TNRC18: variants seen among roughly 807,000 people sequenced by gnomAD.
TNRC18 encodes trinucleotide repeat containing 18.
A neutral mutation model predicts 226.7 loss-of-function variants in TNRC18; 69 were observed. The observed-to-expected ratio is 0.30, with a 90% confidence interval of 0.25 to 0.37. The LOEUF (loss-of-function observed/expected upper bound fraction) is 0.37, where lower values mean the gene tolerates loss of function less well. TNRC18 is among the 10% of genes least tolerant of loss of function. TNRC18 has a pLI of 1.00. For missense variants in TNRC18, 4,754 were observed against 4,256.6 expected (o/e 1.12, Z -3.25); for synonymous variants, 2,449 against 1,927.6 (o/e 1.27, Z -7.09).
Position 5,318,021 on chromosome 7 carries a change from G to T in TNRC18, c.6746-1949C>A, listed in dbSNP as rs1385210719. Among the ~76,000 whole-genome samples the T allele has an allele frequency of 2.0e-5, 3 of 151,920 alleles. 1 individual carries two copies. The highest frequency in any genetic ancestry group is 4.2e-4 in the South Asian group (2 of 4,808). On this transcript the variant is annotated intron_variant, in intron 24 of 29. Transcript: ENST00000430969. Reference sequence around the variant, plus strand: ...CGAGTAGCTGGGATTACAGGCACCCGCCACCACGCCCAGCTTATTTTTGTA... The same window carrying T: ...CGAGTAGCTGGGATTACAGGCACCCTCCACCACGCCCAGCTTATTTTTGTA...
chr7:5,417,114 C>G (rs564041961), intron 2 of TNRC18, among the ~76,000 whole-genome samples: 9 of 148,076 alleles, frequency 6.1e-5, no homozygotes, highest in Non-Finnish European at 1.3e-4. Flanking sequence ...ATAATTGCAC[C>G]ACTGCACTCC....
chr7:5,369,612 A>G (rs1290528440), intron 11 of TNRC18, among the ~76,000 whole-genome samples: 1 of 152,088 alleles, frequency 6.6e-6, no homozygotes, highest in African/African-American at 2.4e-5. Context: ...ACACAGAGAG[A>G]GAGAGACTAG....
chr7:5,366,467 G>GT (rs1244451158), intron 11 of TNRC18, among the ~76,000 whole-genome samples: 1 of 151,802 alleles, frequency 6.6e-6, no homozygotes, highest in Admixed American at 6.6e-5. Flanking sequence ...GGGACTACAG[G>GT]TATGTGTCAC....
Position 5,309,300 on chromosome 7 carries a change from G to A in TNRC18, c.8457C>T (p.Ile2819=). The change falls in exon 28 of 30, where the codon ATC becomes ATT. Residue 2819 remains isoleucine (I), a synonymous_variant. Transcript: ENST00000430969. This position sits in a 1 kb window ranked among gnomAD's most constrained non-coding sequence, Gnocchi z 5.7. ...GGAACACGGCACAGTCCCCGATACG[G>A]ATCATCTCCTTGCCGCGCACGATGG... ...YKAIVRGKEM[I]RIGDCAVFLS... 6.2e-7 allele frequency: 1 copy of A among 1,613,904 alleles called. No individual in the cohort carries two copies. Among genetic ancestry groups the A allele is most frequent in the Non-Finnish European group, 8.5e-7 (1 of 1,179,812 alleles).
Position 5,377,650 on chromosome 7 carries a change from C to A in TNRC18, c.2256-74G>T. On this transcript the variant is annotated intron_variant, in intron 6 of 29. Transcript: ENST00000430969. The surrounding 1 kb of genome is among the most constrained non-coding windows in gnomAD (Gnocchi z 5.8). ...ACGAGAGGGAGAAGCGGGGTTGCCC[C>A]AAGGAACTGTTTGCCACCAGGCCAT... 1 of 1,458,314 alleles carries A rather than the reference C, an allele frequency of 6.9e-7. No individual in the cohort carries two copies. Among genetic ancestry groups the A allele is most frequent in the South Asian group, 1.3e-5 (1 of 77,442 alleles). 90.3% of individuals were successfully genotyped at this position (1,458,314 alleles called of 1,614,324 possible). A position where few individuals can be genotyped will look rare whatever the true frequency, so the allele number is the denominator to read the frequency against.
At position 5,332,656 on chromosome 7, in the gene TNRC18, G is replaced by A; in HGVS notation, c.6113C>T (p.Ala2038Val). Residue 2038 changes from alanine (A) to valine (V), a missense_variant, in exon 19 of 30, where the codon GCC becomes GTC. By Grantham distance (64) the Ala-to-Val change is moderately conservative. Transcript: ENST00000430969. ...KGGPLSPRKDAGRAKDRKDPR... is the reference protein window; with the variant it reads ...KGGPLSPRKDVGRAKDRKDPR... ...GTCCTTCCTGTCCTTTGCACGCCCG[G>A]CGTCCTTGCGCGGGCTCAGGGGGCC... 1 of 1,530,662 alleles carries A rather than the reference G, an allele frequency of 6.5e-7. No homozygotes were observed. Among genetic ancestry groups the A allele is most frequent in the South Asian group, 1.2e-5 (1 of 82,278 alleles). 94.8% of individuals were successfully genotyped at this position (1,530,662 alleles called of 1,614,324 possible). A position where few individuals can be genotyped will look rare whatever the true frequency, so the allele number is the denominator to read the frequency against.
intron 11 of TNRC18, among the ~76,000 whole-genome samples, chr7:5,365,471 G>A (rs781673390): frequency 1.3e-5 from 2 of 151,986 alleles, no homozygotes; most frequent in Admixed American, 6.6e-5. Context: ...GTGACAGGAA[G>A]AGCCTCACCA....
intron 5 of TNRC18, 101 bp downstream of exon 5, chr7:5,387,571 G>C (rs1779885140): frequency 6.8e-7 from 1 of 1,476,592 alleles, no homozygotes; most frequent in Non-Finnish European, 9.2e-7. Context: ...TACTTATAAA[G>C]ACTTAGCAAT....
chr7:5,343,591 T>C (rs149823486), intron 18 of TNRC18, among the ~76,000 whole-genome samples: 50 of 152,160 alleles, frequency 3.3e-4, no homozygotes, highest in Middle Eastern at 3.4e-3. Flanking sequence ...CCTGGCTAAT[T>C]TTTCTGTTTA....
intron 2 of TNRC18, among the ~76,000 whole-genome samples, chr7:5,396,164 C>G (rs534487910): frequency 8.7e-4 from 102 of 117,030 alleles, no homozygotes; most frequent in African/African-American, 3.0e-3. Context: ...GAGAGAGACT[C>G]TGTCTCAAAA....
At chr7:5,379,374 TG>T (rs1337803074) in intron 5 of TNRC18, among the ~76,000 whole-genome samples, 3 of 149,728 alleles carry the variant, frequency 2.0e-5, no homozygotes, top group Admixed American at 1.3e-4. Context: ...CCAGCCTGGG[TG>T]ACAGAGCGAG....
At position 5,387,946 on chromosome 7, in the gene TNRC18, G is replaced by A; in HGVS notation, c.1878C>T (p.Thr626=). 2 of 1,598,378 alleles carry A rather than the reference G, an allele frequency of 1.3e-6. No homozygotes were observed. Among genetic ancestry groups the A allele is most frequent in the Non-Finnish European group, 8.5e-7 (1 of 1,173,582 alleles). Residue 626 remains threonine, a synonymous_variant, in exon 5 of 30, where the codon ACC becomes ACT. Coordinates refer to ENST00000430969, the MANE Select transcript of TNRC18 (RefSeq NM_001080495.3). ...CCTGGGCTCGGGAGGCACCCGCAGA[G>A]GTGGGCGCAGGCTCGGGTTTCATGG... ...LGTMKPEPAP[T]SAGASRAQAR... is the part of the protein sequence containing the mutation.
chr7:5,399,903 G>A (rs779276739), intron 2 of TNRC18, among the ~76,000 whole-genome samples: 8 of 151,496 alleles, frequency 5.3e-5, no homozygotes, highest in Middle Eastern at 3.2e-3. Context: ...TTAGCTGGGC[G>A]TGGTGGCAGG....
chr7:5,401,229 G>GT (rs67145989), intron 2 of TNRC18, among the ~76,000 whole-genome samples: 2 of 114,048 alleles, frequency 1.8e-5, no homozygotes, highest in Non-Finnish European at 3.3e-5. Context: ...GTTCGAGTCG[G>GT]GGGGGGGCGG....
intron 2 of TNRC18, among the ~76,000 whole-genome samples, chr7:5,405,522 T>C (rs918320112): frequency 5.9e-5 from 9 of 152,128 alleles, no homozygotes; most frequent in African/African-American, 2.2e-4. Flanking sequence ...TGAGCCGAGA[T>C]TGTGCCACGG....
intron 17 of TNRC18, among the ~76,000 whole-genome samples, chr7:5,350,965 G>A (rs1323495096): frequency 6.6e-6 from 1 of 152,158 alleles, no homozygotes; most frequent in Non-Finnish European, 1.5e-5. Flanking sequence ...CACGTGAGAA[G>A]ACAAGTGTTT....
At chr7:5,363,269 T>C (rs1448559610) in intron 11 of TNRC18, among the ~76,000 whole-genome samples, 2 of 148,976 alleles carry the variant, frequency 1.3e-5, no homozygotes, top group Non-Finnish European at 3.0e-5. Context: ...CACCACCGCA[T>C]GCCAGCCTGA....
chr7:5,374,576 T>C, intron 9 of TNRC18, 92 bp from the exon 10 acceptor site: 1 of 1,338,502 alleles, frequency 7.5e-7, no homozygotes, highest in Non-Finnish European at 9.9e-7. Flanking sequence ...GGTCCCCGAG[T>C]CCGAGGAGAA....
At chr7:5,420,648 G>T (rs962505269) in intron 2 of TNRC18, 2 of 465,282 alleles carry the variant, frequency 4.3e-6, no homozygotes, top group African/African-American at 4.0e-5. Flanking sequence ...GCCCACGAGC[G>T]CCAAAAGTAG....
Sources: gnomAD v4.1 joint callset for allele counts (sites outside exome capture counted in the v4.1 genomes callset) on GRCh38, gnomAD v4.1.1 for gene constraint, Gnocchi (gnomAD v3.1) non-coding constraint, MANE v1.5 for transcripts, NCBI Gene and HGNC (gene_info 2026-07-23, HGNC 2026-07-21) for gene names.